Variants in MMS22L observed in about 807,000 individuals in gnomAD.
MMS22L encodes MMS22 like, DNA repair protein, also known as protein MMS22-like.
In MMS22L, 74 loss-of-function variants were observed where a neutral mutation model predicts 159.1. That is an observed-to-expected ratio of 0.47 (90% confidence interval 0.39 to 0.56). The LOEUF is 0.56. Among genes scored for constraint, MMS22L ranks in the 20% least tolerant of loss-of-function variants. The probability of loss-of-function intolerance (pLI) is 0.00; values close to 1 mark genes in which losing one functional copy is unlikely to be tolerated. For missense variants in MMS22L, 1,351 were observed against 1,422.1 expected (o/e 0.95, Z 0.80); for synonymous variants, 517 against 506.9 (o/e 1.02, Z -0.27).
chr6:97,278,018 A>G (rs1353700682), intron 4 of MMS22L, among the ~76,000 whole-genome samples: 3 of 152,180 alleles, frequency 2.0e-5, no homozygotes, highest in Admixed American at 6.5e-5. Context: ...CCAGGGTGAC[A>G]AGGCCATGAT....
chr6:97,282,708 A>C (rs935855138), intron 1 of MMS22L, among the ~76,000 whole-genome samples, 155 bp from the exon 2 acceptor site: 3 of 152,284 alleles, frequency 2.0e-5, no homozygotes, highest in Non-Finnish European at 4.4e-5. Flanking sequence ...GTCAGAACTT[A>C]AGACAAAATG....
intron 9 of MMS22L, among the ~76,000 whole-genome samples, chr6:97,257,682 C>T (rs1813974208): frequency 6.6e-6 from 1 of 152,118 alleles, no homozygotes; most frequent in Admixed American, 6.6e-5. Flanking sequence ...TCACCTAGGA[C>T]TCCCAAAGTG....
intron 9 of MMS22L, among the ~76,000 whole-genome samples, chr6:97,256,976 A>T (rs1487155793): frequency 1.3e-5 from 2 of 152,022 alleles, no homozygotes; most frequent in Admixed American, 1.3e-4. Flanking sequence ...AAAGTAACAC[A>T]TTTTTCTGTA....
chr6:97,251,859 G>A (rs547862288), intron 10 of MMS22L, among the ~76,000 whole-genome samples: 1 of 151,914 alleles, frequency 6.6e-6, no homozygotes, highest in East Asian at 1.9e-4. Context: ...CGAAGCGGGC[G>A]GATCACGAGG....
intron 13 of MMS22L, chr6:97,231,008 T>C (rs546182010): frequency 7.2e-5 from 12 of 165,634 alleles, no homozygotes; most frequent in Non-Finnish European, 1.6e-4. Flanking sequence ...TTTAAAAGTA[T>C]ACTCATTGAA....
intron 9 of MMS22L, chr6:97,259,401 G>T (rs193205933): frequency 4.6e-5 from 7 of 152,288 alleles, no homozygotes; most frequent in African/African-American, 1.4e-4. Flanking sequence ...TGAGTAAAGA[G>T]ATGGCCCTCT....
intron 11 of MMS22L, among the ~76,000 whole-genome samples, chr6:97,243,314 T>C (rs903364170): frequency 2.2e-4 from 34 of 152,130 alleles, no homozygotes; most frequent in Non-Finnish European, 1.0e-4. Context: ...ATTGGATTAA[T>C]TTGAAAACCT....
At chr6:97,162,444 T>C (rs1415607502) in intron 21 of MMS22L, among the ~76,000 whole-genome samples, 1 of 151,960 alleles carries the variant, frequency 6.6e-6, no homozygotes, top group Non-Finnish European at 1.5e-5. Flanking sequence ...AAAATCCAAA[T>C]GAAAGCCTAA....
chr6:97,204,903 T>TAA (rs1807596249), intron 14 of MMS22L, among the ~76,000 whole-genome samples: 1 of 150,966 alleles, frequency 6.6e-6, no homozygotes, highest in Non-Finnish European at 1.5e-5. Flanking sequence ...TTTTTTTTTT[T>TAA]TAATATTTGT....
chr6:97,165,892 ATAATCTTTTTTAAAG>A (rs1392810653), intron 20 of MMS22L, among the ~76,000 whole-genome samples: 1 of 152,140 alleles, frequency 6.6e-6, no homozygotes, highest in Admixed American at 6.6e-5. Context: ...TAAAAATCTG[ATAATCTTTTTTAAAG>A]TAATAACAAA....
intron 16 of MMS22L, among the ~76,000 whole-genome samples, chr6:97,181,693 CT>C (rs879538441): frequency 6.1e-4 from 89 of 147,056 alleles, no homozygotes; most frequent in Middle Eastern, 3.4e-3. Context: ...TAACAAACAA[CT>C]TTTTTTTTTT....
At chr6:97,279,527 G>A (rs1412534770) in intron 3 of MMS22L, among the ~76,000 whole-genome samples, 1 of 151,786 alleles carries the variant, frequency 6.6e-6, no homozygotes, top group Non-Finnish European at 1.5e-5. Context: ...GCTCCCGCCT[G>A]TAATCCTAGC....
rs145651501 is a variant in MMS22L at position 97,250,783 on chromosome 6, G to A, written c.1119+3774C>T. Among the ~76,000 whole-genome samples, 54 of 152,174 alleles carry A rather than the reference G, an allele frequency of 3.5e-4. No homozygotes were observed. In the East Asian group the frequency reaches 8.5e-3, roughly 24 times the overall value. Reference sequence around the variant, plus strand: ...TAACCTTCAGGGCAAAGCAGTTCACGTTTAAAAACTGAAACATCGCCACAC... The same window carrying A: ...TAACCTTCAGGGCAAAGCAGTTCACATTTAAAAACTGAAACATCGCCACAC... On this transcript the variant is annotated intron_variant, in intron 10 of 24. Transcript: ENST00000683635.
chr6:97,148,601 C>A (rs1434434804), intron 24 of MMS22L, among the ~76,000 whole-genome samples: 1 of 151,488 alleles, frequency 6.6e-6, no homozygotes, highest in Non-Finnish European at 1.5e-5. Flanking sequence ...TAGAAAAAAG[C>A]TTATTCAAGA....
rs1270476808 is a variant in MMS22L at position 97,143,362 on chromosome 6, G to T, written c.*3444C>A. The T allele has an allele frequency of 6.6e-6, 1 of 152,198 alleles. No individual in the cohort carries two copies. The highest frequency in any genetic ancestry group is 1.5e-5 in the Non-Finnish European group (1 of 68,050). The allele number at this position is 152,198 out of a possible 1,614,324, so 9.4% of individuals were successfully genotyped here. The stretch of plus-strand genomic sequence containing the variant: ...AGCTGCTAAATGAGCCTCTTGTTTG[G>T]AAAGAGATAAGCTTGAAGATAAAGG... On this transcript the variant is annotated 3_prime_UTR_variant, in exon 25 of 25. Coordinates refer to ENST00000683635, the MANE Select transcript of MMS22L (RefSeq NM_001350599.2).
At chr6:97,191,465 T>C (rs754115118) in intron 14 of MMS22L, among the ~76,000 whole-genome samples, 6 of 152,110 alleles carry the variant, frequency 3.9e-5, no homozygotes, top group East Asian at 1.9e-4. Context: ...AAAATTAAAA[T>C]TGTCTATTGA....
At chr6:97,253,421 C>CA (rs1813444422) in intron 10 of MMS22L, 1 of 151,062 alleles carries the variant, frequency 6.6e-6, no homozygotes, top group Admixed American at 6.6e-5. Context: ...TTCCAAACTC[C>CA]AAATCAGGAC....
chr6:97,217,217 A>C (rs1379783680), intron 14 of MMS22L, among the ~76,000 whole-genome samples: 2 of 152,096 alleles, frequency 1.3e-5, no homozygotes, highest in Non-Finnish European at 2.9e-5. Flanking sequence ...TCTTGTAAAA[A>C]ATCTAATATA....
chr6:97,229,550 T>TA, intron 13 of MMS22L, 147 bp from the exon 14 acceptor site: 1 of 627,516 alleles, frequency 1.6e-6, no homozygotes, highest in South Asian at 2.5e-5. Context: ...TCACTTTTTT[T>TA]ACTTAGAAAA....
Sources: gnomAD v4.1 joint callset for allele counts (sites outside exome capture counted in the v4.1 genomes callset) on GRCh38, gnomAD v4.1.1 for gene constraint, MANE v1.5 for transcripts, NCBI Gene and HGNC (gene_info 2026-07-23, HGNC 2026-07-21) for gene names.